The following CTNNA3 variants were observed in gnomAD, a reference collection of about 807,000 sequenced individuals.
CTNNA3 encodes the protein catenin alpha 3.
CTNNA3 carries 76 observed loss-of-function variants against 95.7 expected under a neutral mutation model. The observed-to-expected ratio is 0.79, with a 90% CI of 0.66 to 0.96. CTNNA3 has a LOEUF of 0.96. Among genes scored for constraint, CTNNA3 ranks in the 40% least tolerant of loss-of-function variants. The pLI is 0.00. For synonymous variants in CTNNA3, 431 were observed against 374.4 expected, an observed-to-expected ratio of 1.15 and a Z score of -1.74; for missense variants, 1,191 against 1,089.8, an observed-to-expected ratio of 1.09 and a Z score of -1.31.
At chr10:66,973,801 T>C (rs1849865292) in intron 7 of CTNNA3, among the ~76,000 whole-genome samples, 1 of 152,016 alleles carries the variant, frequency 6.6e-6, no homozygotes, top group Admixed American at 6.6e-5. Context: ...TTTTTTGTAT[T>C]TTTACTGAGA....
At chr10:67,407,820 G>A (rs1021069770) in intron 5 of CTNNA3, among the ~76,000 whole-genome samples, 5 of 152,130 alleles carry the variant, frequency 3.3e-5, no homozygotes, top group Non-Finnish European at 7.4e-5. Flanking sequence ...ATTCACAATT[G>A]CCACAATGAG....
At position 67,693,307 on chromosome 10, in the gene CTNNA3, G is replaced by A. The variant is rs181658383; in HGVS notation, c.-6+2693C>T. 1.2e-4 allele frequency among the ~76,000 whole-genome samples: 18 copies of A among 152,184 alleles called. No individual in the cohort carries two copies. In the East Asian group the frequency reaches 1.9e-3, roughly 16 times the overall value. On this transcript the variant is annotated intron_variant, in intron 1 of 17. Coordinates refer to ENST00000433211, the MANE Select transcript of CTNNA3 (RefSeq NM_013266.4). ...TTGCTAAACTCCGGAGTTCCACCCC[G>A]CTGTACCATCTCACTTAAAATCCAG...
chr10:67,650,014 T>C (rs2133488958), intron 1 of CTNNA3, among the ~76,000 whole-genome samples: 1 of 152,258 alleles, frequency 6.6e-6, no homozygotes, highest in African/African-American at 2.4e-5. Context: ...TAATTTTGTA[T>C]GTTTAGTAGA....
intron 1 of CTNNA3, among the ~76,000 whole-genome samples, chr10:67,731,428 C>T (rs1301027224): frequency 6.6e-6 from 1 of 152,066 alleles, no homozygotes; most frequent in Non-Finnish European, 1.5e-5. Context: ...TTGCAGTGAG[C>T]CGAGATCGCA....
At chr10:67,277,847 G>C (rs1170989897) in intron 5 of CTNNA3, among the ~76,000 whole-genome samples, 1 of 152,154 alleles carries the variant, frequency 6.6e-6, no homozygotes, top group African/African-American at 2.4e-5. Context: ...GGTTTAAAAA[G>C]AGAAGGAACC....
chr10:67,298,352 G>C (rs1589138440), intron 5 of CTNNA3, among the ~76,000 whole-genome samples: 2 of 152,218 alleles, frequency 1.3e-5, no homozygotes, highest in South Asian at 4.1e-4. Context: ...CTTGATGGTG[G>C]ATGGGGTTCA....
chr10:66,537,777 G>A (rs1841710217), intron 10 of CTNNA3, among the ~76,000 whole-genome samples: 2 of 151,682 alleles, frequency 1.3e-5, no homozygotes, highest in Admixed American at 1.3e-4. Flanking sequence ...GGGCAATATA[G>A]TGAGACCCCC....
chr10:66,616,231 G>T (rs1844508036), intron 10 of CTNNA3, among the ~76,000 whole-genome samples: 2 of 152,012 alleles, frequency 1.3e-5, no homozygotes, highest in African/African-American at 4.8e-5. Flanking sequence ...AAATACCTTG[G>T]TCAACTAGTC....
chr10:66,233,429 C>T (rs2089690789), intron 13 of CTNNA3, among the ~76,000 whole-genome samples: 1 of 152,026 alleles, frequency 6.6e-6, no homozygotes, highest in Non-Finnish European at 1.5e-5. Flanking sequence ...TTACACTCAT[C>T]AGACCAATGA....
intron 13 of CTNNA3, among the ~76,000 whole-genome samples, chr10:66,193,459 T>C (rs968962724): frequency 2.0e-5 from 3 of 152,108 alleles, no homozygotes; most frequent in Admixed American, 2.0e-4. Context: ...CAGTGGTCAC[T>C]AGCAGCTATA....
chr10:67,482,208 C>T (rs1358035889), intron 5 of CTNNA3, among the ~76,000 whole-genome samples: 2 of 151,296 alleles, frequency 1.3e-5, no homozygotes, highest in African/African-American at 2.4e-5. Context: ...GTTCTTTTGG[C>T]TTAGGATTGA....
chr10:66,786,152 T>C (rs1027238443), intron 7 of CTNNA3, among the ~76,000 whole-genome samples: 2 of 152,116 alleles, frequency 1.3e-5, no homozygotes, highest in African/African-American at 4.8e-5. Context: ...CTCCCTGTAG[T>C]TGCAGGCCTA....
chr10:67,164,307 T>C (rs145951515), intron 7 of CTNNA3, among the ~76,000 whole-genome samples: 3 of 152,032 alleles, frequency 2.0e-5, no homozygotes, highest in Non-Finnish European at 4.4e-5. Context: ...GAAATAGCCA[T>C]ACACAAGTAC....
intron 7 of CTNNA3, among the ~76,000 whole-genome samples, chr10:66,914,659 G>A (rs1009185467): frequency 1.3e-5 from 2 of 152,106 alleles, no homozygotes; most frequent in Non-Finnish European, 2.9e-5. Context: ...AGAGCTCATG[G>A]AGCTAACCAA....
At position 67,116,793 on chromosome 10, in the gene CTNNA3, TATGAG is replaced by T. The variant is rs542012967; in HGVS notation, c.1047+63519_1047+63523del. ...TTTGTTTATGTGATTTAAGTAGATC[TATGAG>T]ATAAGTAAAATAAAAATTAAAAATT... On this transcript the variant is annotated intron_variant, in intron 7 of 17. Coordinates refer to ENST00000433211, the MANE Select transcript of CTNNA3 (RefSeq NM_013266.4). Among the ~76,000 whole-genome samples the T allele has an allele frequency of 4.0e-3, 597 of 149,648 alleles. 2 individuals carry two copies. Among genetic ancestry groups the T allele is most frequent in the African/African-American group, 0.013 (554 of 41,120 alleles).
chr10:67,655,778 G>A (rs1348991853), intron 1 of CTNNA3, among the ~76,000 whole-genome samples: 10 of 115,658 alleles, frequency 8.6e-5, no homozygotes, highest in Non-Finnish European at 1.5e-4. Flanking sequence ...GCGAGACTCC[G>A]TCTCAAAAAA....
chr10:66,387,700 G>A (rs1416197578), intron 11 of CTNNA3, among the ~76,000 whole-genome samples: 1 of 152,124 alleles, frequency 6.6e-6, no homozygotes, highest in African/African-American at 2.4e-5. Context: ...CAACCTCAAT[G>A]TCCAGCAATG....
At chr10:66,451,701 T>A (rs1166532266) in intron 11 of CTNNA3, among the ~76,000 whole-genome samples, 2 of 152,172 alleles carry the variant, frequency 1.3e-5, no homozygotes, top group East Asian at 3.8e-4. Flanking sequence ...CCTAGATACA[T>A]AATTATGTGA....
chr10:66,137,677 G>A (rs1564688680), intron 13 of CTNNA3, among the ~76,000 whole-genome samples: 1 of 152,112 alleles, frequency 6.6e-6, no homozygotes, highest in Non-Finnish European at 1.5e-5. Flanking sequence ...ACTGGGTTTG[G>A]TGCCTCATGC....
Sources: gnomAD v4.1 joint callset for allele counts (sites outside exome capture counted in the v4.1 genomes callset) on GRCh38, gnomAD v4.1.1 for gene constraint, MANE v1.5 for transcripts, NCBI Gene and HGNC (gene_info 2026-07-23, HGNC 2026-07-21) for gene names.